POPDC1: variants seen among roughly 807,000 people sequenced by gnomAD.
The protein encoded by POPDC1 is popeye domain-containing protein 1.
At chr6:105,097,697 A>C in the POPDC1 span, 1 of 152,320 alleles carries the variant, frequency 6.6e-6, no homozygotes, top group African/African-American at 2.4e-5. Context: ...CCAGGTTCTA[A>C]GATCAGGAGA....
At chr6:105,106,378 T>A in the POPDC1 span, among the ~76,000 whole-genome samples, 80 of 152,066 alleles carry the variant, frequency 5.3e-4, no homozygotes, top group African/African-American at 1.9e-3. Context: ...TATGTTCAGG[T>A]GGGAAAGAGA....
At chr6:105,130,561 G>T in the POPDC1 span, among the ~76,000 whole-genome samples, 2 of 152,168 alleles carry the variant, frequency 1.3e-5, no homozygotes, top group Non-Finnish European at 2.9e-5. Flanking sequence ...GTATAGTCAT[G>T]TGTCACTTAA....
At chr6:105,135,202 G>C in the POPDC1 span, among the ~76,000 whole-genome samples, 1 of 152,192 alleles carries the variant, frequency 6.6e-6, no homozygotes, top group Non-Finnish European at 1.5e-5. Flanking sequence ...CCTAGCCTCT[G>C]TAGAGAAGGC....
the POPDC1 span, among the ~76,000 whole-genome samples, chr6:105,105,935 TG>T: frequency 2.6e-5 from 4 of 152,240 alleles, no homozygotes; most frequent in African/African-American, 9.6e-5. Flanking sequence ...TTTCATTTAT[TG>T]CCAATTGTAG....
chr6:105,131,211 G>A, the POPDC1 span, among the ~76,000 whole-genome samples: 1 of 152,094 alleles, frequency 6.6e-6, no homozygotes, highest in Admixed American at 6.5e-5. Context: ...AGAATGATTT[G>A]ATGCACCTGA....
At chr6:105,115,820 T>C in the POPDC1 span, 2 of 1,613,414 alleles carry the variant, frequency 1.2e-6, no homozygotes, top group Non-Finnish European at 1.7e-6. Context: ...TTCCAGCTTT[T>C]TGGCTTTCTA....
At chr6:105,116,822 C>A in the POPDC1 span, 1 of 1,612,066 alleles carries the variant, frequency 6.2e-7, no homozygotes, top group Non-Finnish European at 8.5e-7. Flanking sequence ...TAATCTTTCT[C>A]TTGACCAGCA....
At chr6:105,109,659 G>T in the POPDC1 span, among the ~76,000 whole-genome samples, 1 of 149,882 alleles carries the variant, frequency 6.7e-6, no homozygotes, top group Admixed American at 6.7e-5. Context: ...GACATCTTGA[G>T]CCTGGGAGGC....
the POPDC1 span, among the ~76,000 whole-genome samples, chr6:105,124,139 T>C: frequency 6.6e-6 from 1 of 152,030 alleles, no homozygotes; most frequent in Non-Finnish European, 1.5e-5. Context: ...TCCCAGCACT[T>C]TGGGAGGCCG....
chr6:105,116,705 T>C, the POPDC1 span: 31 of 1,574,860 alleles, frequency 2.0e-5, no homozygotes, highest in Admixed American at 5.8e-5. Flanking sequence ...ACTTACTTTA[T>C]CATTTAAGGT....
At chr6:105,121,635 A>G in the POPDC1 span, among the ~76,000 whole-genome samples, 5 of 152,236 alleles carry the variant, frequency 3.3e-5, no homozygotes, top group East Asian at 1.9e-4. Flanking sequence ...ACTCTGGGCT[A>G]TAAGTACCAA....
the POPDC1 span, among the ~76,000 whole-genome samples, chr6:105,122,520 C>A: frequency 7.2e-5 from 11 of 152,112 alleles, no homozygotes; most frequent in African/African-American, 2.7e-4. Context: ...TATTTCTGGC[C>A]TCTTGGGAAC....
chr6:105,109,763 C>CAAAAAAAAAAAA, the POPDC1 span, among the ~76,000 whole-genome samples: 90 of 22,864 alleles, frequency 3.9e-3, 10 homozygotes, highest in African/African-American at 7.4e-3. Flanking sequence ...GACCCTTTCT[C>CAAAAAAAAAAAA]AAAAAAAAAA....
chr6:105,115,545 T>G, the POPDC1 span: 28 of 1,059,806 alleles, frequency 2.6e-5, no homozygotes, highest in African/African-American at 4.4e-4. Flanking sequence ...TAAACAAAAT[T>G]TGATTGTTTT....
chr6:105,125,693 C>T, the POPDC1 span: 1 of 992,784 alleles, frequency 1.0e-6, no homozygotes, highest in South Asian at 1.5e-5. Flanking sequence ...TATACCATCA[C>T]CCTTCTGTAT....
At chr6:105,131,966 CTTT>C in the POPDC1 span, among the ~76,000 whole-genome samples, 2,300 of 136,124 alleles carry the variant, frequency 0.017, 50 homozygotes, top group African/African-American at 0.055. Flanking sequence ...TCATTTATCA[CTTT>C]TTTTTTTTTT....
the POPDC1 span, among the ~76,000 whole-genome samples, chr6:105,114,661 A>G: frequency 6.6e-6 from 1 of 152,380 alleles, no homozygotes; most frequent in African/African-American, 2.4e-5. Flanking sequence ...TCATTCTTAG[A>G]ATAATTCTTA....
the POPDC1 span, among the ~76,000 whole-genome samples, chr6:105,134,491 A>G: frequency 1.2e-4 from 18 of 152,326 alleles, no homozygotes. Flanking sequence ...TACAGATTAT[A>G]TGAATTATTC....
the POPDC1 span, among the ~76,000 whole-genome samples, chr6:105,107,722 G>A: frequency 6.6e-6 from 1 of 152,124 alleles, no homozygotes; most frequent in South Asian, 2.1e-4. Flanking sequence ...AACTGCTTTA[G>A]CAAGTAATTA....
Sources: allele counts gnomAD v4.1 joint callset (sites outside exome capture counted in the v4.1 genomes callset), GRCh38; gene constraint gnomAD v4.1.1; transcripts MANE v1.5; gene names NCBI Gene and HGNC (gene_info 2026-07-23, HGNC 2026-07-21).